Variants in NEDD9 observed in about 807,000 individuals in gnomAD.
The protein encoded by NEDD9 is neural precursor cell expressed, developmentally down-regulated 9.
NEDD9 carries 26 observed loss-of-function variants against 76.6 expected under a neutral mutation model. The ratio of observed to expected loss-of-function variants is 0.34; its 90% CI spans 0.25 to 0.47. The LOEUF (loss-of-function observed/expected upper bound fraction) is 0.47. Among genes scored for constraint, NEDD9 ranks in the 20% least tolerant of loss-of-function variants. The probability of loss-of-function intolerance (pLI) is 1.00; values close to 1 mark genes in which losing one functional copy is unlikely to be tolerated. For missense variants in NEDD9, 937 were observed against 1,058.5 expected, an observed-to-expected ratio of 0.89 and a Z score of 1.59; for synonymous variants, 392 against 414.2, an observed-to-expected ratio of 0.95 and a Z score of 0.65.
At chr6:11,243,535 T>C (rs1037834042) in intron 3 of NEDD9, among the ~76,000 whole-genome samples, 9 of 152,200 alleles carry the variant, frequency 5.9e-5, no homozygotes, top group African/African-American at 2.2e-4. Flanking sequence ...GCCTCCATTG[T>C]CCAAGCCGGG....
chr6:11,196,512 A>G (rs968311958), intron 2 of NEDD9, among the ~76,000 whole-genome samples: 2 of 152,024 alleles, frequency 1.3e-5, no homozygotes. Flanking sequence ...GGTATTTAAC[A>G]TTTCACTTCC....
intron 1 of NEDD9, among the ~76,000 whole-genome samples, chr6:11,219,753 A>G (rs570331258): frequency 3.9e-5 from 6 of 152,354 alleles, no homozygotes; most frequent in African/African-American, 1.4e-4. Context: ...TGAGAACTGC[A>G]AACCATTTTG....
At chr6:11,302,192 T>C (rs1199536415) in intron 3 of NEDD9, among the ~76,000 whole-genome samples, 2 of 152,210 alleles carry the variant, frequency 1.3e-5, no homozygotes, top group African/African-American at 4.8e-5. Context: ...ATATCACCAC[T>C]GATCCCACAG....
At chr6:11,260,257 C>T (rs762422741) in intron 3 of NEDD9, among the ~76,000 whole-genome samples, 7 of 152,066 alleles carry the variant, frequency 4.6e-5, no homozygotes, top group African/African-American at 7.2e-5. Flanking sequence ...GAGAAGCTCC[C>T]GGAAGGCCTT....
chr6:11,259,012 G>A (rs1247965711), intron 3 of NEDD9: 2 of 152,360 alleles, frequency 1.3e-5, no homozygotes, highest in Non-Finnish European at 2.9e-5. Context: ...ATGTGAAGGA[G>A]CAGGACCCAG....
At position 11,185,013 on chromosome 6, in the gene NEDD9, T is replaced by C; in HGVS notation, c.*149A>G. ...ATTTCCCTCTCCAGCTCCCTGAATT[T>C]CTGAAAGTTGACTGACCCATAAAAT... On this transcript the variant is annotated 3_prime_UTR_variant, in exon 7 of 7. Transcript: ENST00000379446. The C allele has an allele frequency of 9.8e-7, 1 of 1,019,762 alleles. No homozygotes were observed. The highest frequency in any genetic ancestry group is 1.4e-6 in the Non-Finnish European group (1 of 731,926). The allele number at this position is 1,019,762 out of a possible 1,614,324, so 63.2% of individuals were successfully genotyped here.
intron 1 of NEDD9, among the ~76,000 whole-genome samples, chr6:11,337,533 C>T (rs1425824439): frequency 6.6e-6 from 1 of 152,152 alleles, no homozygotes; most frequent in Non-Finnish European, 1.5e-5. Context: ...AGGAAATTTT[C>T]AGCTTCATCA....
At chr6:11,193,481 C>T (rs1158119848) in intron 3 of NEDD9, 110 bp downstream of exon 3, 3 of 695,328 alleles carry the variant, frequency 4.3e-6, no homozygotes, top group African/African-American at 3.6e-5. Flanking sequence ...AACAAAGCTT[C>T]ATATGACATA....
intron 2 of NEDD9, among the ~76,000 whole-genome samples, chr6:11,320,602 C>T (rs1309872973): frequency 1.3e-5 from 2 of 152,128 alleles, no homozygotes; most frequent in African/African-American, 4.8e-5. Flanking sequence ...CTACGTGCTA[C>T]AACATTGTTG....
At chr6:11,332,479 C>T (rs1021810171) in intron 2 of NEDD9, among the ~76,000 whole-genome samples, 7 of 152,200 alleles carry the variant, frequency 4.6e-5, no homozygotes, top group South Asian at 2.1e-4. Flanking sequence ...GCGCTACGTC[C>T]GCTTCTCCAA....
chr6:11,218,226 G>A (rs1173047764), intron 1 of NEDD9, among the ~76,000 whole-genome samples: 1 of 152,152 alleles, frequency 6.6e-6, no homozygotes, highest in African/African-American at 2.4e-5. Flanking sequence ...TTGGTTAACA[G>A]CATGCACACA....
intron 1 of NEDD9, among the ~76,000 whole-genome samples, chr6:11,339,693 T>A (rs1382525756): frequency 6.6e-6 from 1 of 152,238 alleles, no homozygotes; most frequent in Non-Finnish European, 1.5e-5. Flanking sequence ...ATTAGCGTAT[T>A]CATTGCCTTC....
intron 1 of NEDD9, among the ~76,000 whole-genome samples, chr6:11,340,119 A>T (rs978149887): frequency 7.9e-5 from 12 of 152,204 alleles, no homozygotes; most frequent in Admixed American, 1.3e-4. Context: ...GCCTCTCAAT[A>T]GTCTTCAAAG....
intron 2 of NEDD9, chr6:11,201,057 A>G (rs759230237): frequency 2.5e-6 from 4 of 1,614,076 alleles, no homozygotes; most frequent in African/African-American, 2.7e-5. Context: ...CTAGAGACAA[A>G]GCATTTTCTG....
chr6:11,312,167 C>A (rs950190131), intron 2 of NEDD9, among the ~76,000 whole-genome samples: 1 of 152,076 alleles, frequency 6.6e-6, no homozygotes, highest in Non-Finnish European at 1.5e-5. Flanking sequence ...TGGACAGCTC[C>A]CCGTGATGCC....
At chr6:11,193,084 C>T (rs1278159153) in intron 3 of NEDD9, among the ~76,000 whole-genome samples, 2 of 151,858 alleles carry the variant, frequency 1.3e-5, no homozygotes, top group African/African-American at 4.8e-5. Flanking sequence ...GTGGGCAGAC[C>T]ACTTGCAGTT....
chr6:11,190,076 G>T lies in NEDD9; in HGVS notation c.1793C>A (p.Ala598Asp). The T allele has an allele frequency of 6.2e-7, 1 of 1,604,592 alleles. No individual in the cohort carries two copies. Among genetic ancestry groups the T allele is most frequent in the Non-Finnish European group, 8.5e-7 (1 of 1,174,820 alleles). ...LLHPGDHKAQ[A>D]HNKALPPGLS... ...GCCTGGGGGCAGTGCCTTGTTGTGG[G>T]CCTGGGCCTTGTGGTCACCAGGATG... Residue 598 changes from alanine (A) to aspartate (D), a missense_variant, in exon 5 of 7, where the codon GCC becomes GAC. By Grantham distance (126) the Ala-to-Asp change is moderately radical. Coordinates refer to ENST00000379446, the MANE Select transcript of NEDD9 (RefSeq NM_006403.4). This position sits in a 1 kb window ranked among gnomAD's most constrained non-coding sequence, Gnocchi z 5.8.
intron 2 of NEDD9, among the ~76,000 whole-genome samples, chr6:11,203,991 C>A (rs1183456652): frequency 6.7e-6 from 1 of 150,240 alleles, no homozygotes; most frequent in East Asian, 2.0e-4. Flanking sequence ...AAAAAAAACT[C>A]TTGATGTCAG....
intron 3 of NEDD9, among the ~76,000 whole-genome samples, chr6:11,294,867 AC>A (rs1369754782): frequency 1.3e-5 from 2 of 152,132 alleles, no homozygotes; most frequent in African/African-American, 2.4e-5. Flanking sequence ...CATAATTCCC[AC>A]ATGTTGTGAG....
Sources: allele counts gnomAD v4.1 joint callset (sites outside exome capture counted in the v4.1 genomes callset), GRCh38; gene constraint gnomAD v4.1.1; non-coding constraint Gnocchi (gnomAD v3.1); transcripts MANE v1.5; gene names NCBI Gene and HGNC (gene_info 2026-07-23, HGNC 2026-07-21).